The following RNF150 variants were observed in gnomAD, a reference collection of about 807,000 sequenced individuals.
RNF150 encodes ring finger protein 150.
In RNF150, 24 loss-of-function variants were observed where a neutral mutation model predicts 39.3. That is an observed-to-expected ratio of 0.61 (90% confidence interval 0.44 to 0.86). The LOEUF (loss-of-function observed/expected upper bound fraction) is 0.86. Among genes scored for constraint, RNF150 ranks in the 40% least tolerant of loss-of-function variants. The pLI, the probability that RNF150 is intolerant of heterozygous loss-of-function variation, is 0.00. For missense variants in RNF150, 502 were observed against 587.8 expected (o/e 0.85, Z 1.51); for synonymous variants, 255 against 227.3 (o/e 1.12, Z -1.10).
chr4:140,934,161 C>A (rs2111340569), intron 4 of RNF150, among the ~76,000 whole-genome samples: 1 of 152,284 alleles, frequency 6.6e-6, no homozygotes, highest in Non-Finnish European at 1.5e-5. Flanking sequence ...TAGGCACATA[C>A]AACCATGCCT....
intron 1 of RNF150, among the ~76,000 whole-genome samples, chr4:141,120,022 G>C (rs562822173): frequency 1.3e-5 from 2 of 152,152 alleles, no homozygotes; most frequent in Non-Finnish European, 2.9e-5. Context: ...GAGAATTATG[G>C]ATGGTACCTA....
At chr4:141,118,073 C>T (rs917120449) in intron 1 of RNF150, among the ~76,000 whole-genome samples, 1 of 152,140 alleles carries the variant, frequency 6.6e-6, no homozygotes, top group African/African-American at 2.4e-5. Flanking sequence ...CCCCTCCCCT[C>T]CCCCAGTATC....
At chr4:140,946,748 C>T (rs1402595095) in intron 4 of RNF150, among the ~76,000 whole-genome samples, 1 of 152,156 alleles carries the variant, frequency 6.6e-6, no homozygotes, top group Admixed American at 6.6e-5. Flanking sequence ...TCAAGCGATC[C>T]TCCTGTCTTG....
rs199609830 is a variant in RNF150, at chr4:141,132,754, G to T, written c.55C>A (p.Leu19Ile). The T allele has an allele frequency of 2.9e-5, 46 of 1,610,472 alleles. No homozygotes were observed. Among genetic ancestry groups the T allele is most frequent in the Non-Finnish European group, 3.4e-6 (4 of 1,178,674 alleles). ...CCSLALSTWL[L>I]SFCFVHLLCL... ...AGCAGATGCACGAAACAAAAGGAAA[G>T]CAGCCATGTTGAGAGAGCCAGACTG... is the stretch of plus-strand genomic sequence containing the variant. Residue 19 changes from leucine to isoleucine, a missense_variant, in exon 1 of 7, where the codon CTT (leucine) becomes ATT (isoleucine). Coordinates refer to ENST00000515673, the MANE Select transcript of RNF150 (RefSeq NM_020724.2). The surrounding 1 kb of genome is among the most constrained non-coding windows in gnomAD (Gnocchi z 4.9).
At chr4:141,113,183 C>T (rs1739442119) in intron 1 of RNF150, among the ~76,000 whole-genome samples, 1 of 151,840 alleles carries the variant, frequency 6.6e-6, no homozygotes, top group Non-Finnish European at 1.5e-5. Flanking sequence ...GTTCCTTTAG[C>T]TTGGAGGAGT....
intron 1 of RNF150, among the ~76,000 whole-genome samples, chr4:141,051,330 C>A (rs919283465): frequency 6.6e-6 from 1 of 152,178 alleles, no homozygotes; most frequent in African/African-American, 2.4e-5. Context: ...TAACATTTGG[C>A]TCCTCATTAC....
chr4:141,165,868 C>G (rs192510785), intron 1 of RNF150, among the ~76,000 whole-genome samples: 1 of 151,878 alleles, frequency 6.6e-6, no homozygotes, highest in Non-Finnish European at 1.5e-5. Flanking sequence ...AATTGACACC[C>G]TAACATCACA....
At chr4:141,028,573 A>G (rs1388193416) in intron 1 of RNF150, among the ~76,000 whole-genome samples, 1 of 152,222 alleles carries the variant, frequency 6.6e-6, no homozygotes, top group African/African-American at 2.4e-5. Context: ...GAGAACACTG[A>G]AAAACAAAGA....
chr4:141,195,798 T>C (rs1259585002), intron 1 of RNF150, among the ~76,000 whole-genome samples: 1 of 152,208 alleles, frequency 6.6e-6, no homozygotes, highest in African/African-American at 2.4e-5. Flanking sequence ...AGAGACTTGA[T>C]TATTGTTCAT....
chr4:141,057,460 C>T (rs780976405), intron 1 of RNF150, among the ~76,000 whole-genome samples: 6 of 151,916 alleles, frequency 3.9e-5, no homozygotes, highest in Non-Finnish European at 7.4e-5. Context: ...TAGATAAGTT[C>T]TTTAGTGGTG....
chr4:141,082,129 C>T (rs1174755984), intron 1 of RNF150, among the ~76,000 whole-genome samples: 3 of 152,182 alleles, frequency 2.0e-5, no homozygotes, highest in Non-Finnish European at 4.4e-5. Context: ...AATTTGAGCT[C>T]TGAGTTTCTC....
intron 4 of RNF150, among the ~76,000 whole-genome samples, chr4:140,943,158 C>G (rs1355498510): frequency 2.0e-5 from 3 of 152,148 alleles, no homozygotes; most frequent in African/African-American, 7.2e-5. Context: ...GGTCTTTGGT[C>G]AGTTTATGCA....
intron 4 of RNF150, among the ~76,000 whole-genome samples, chr4:140,928,260 G>A (rs1046703485): frequency 4.6e-5 from 7 of 152,156 alleles, no homozygotes; most frequent in Non-Finnish European, 1.0e-4. Flanking sequence ...GGAGCTTGGC[G>A]AGGAGGTGCT....
At chr4:141,056,739 C>A (rs1736989140) in intron 1 of RNF150, among the ~76,000 whole-genome samples, 1 of 151,982 alleles carries the variant, frequency 6.6e-6, no homozygotes, top group Non-Finnish European at 1.5e-5. Flanking sequence ...TTGTTCTCAG[C>A]TTCTTCCCCT....
intron 1 of RNF150, among the ~76,000 whole-genome samples, chr4:141,006,372 TCTC>T (rs1578624128): frequency 6.6e-6 from 1 of 152,104 alleles, no homozygotes; most frequent in Admixed American, 6.5e-5. Flanking sequence ...AGTTCTGTAA[TCTC>T]CTATAAACTA....
chr4:141,121,770 A>T (rs1027732913), intron 1 of RNF150, among the ~76,000 whole-genome samples: 1 of 152,184 alleles, frequency 6.6e-6, no homozygotes, highest in Non-Finnish European at 1.5e-5. Context: ...ATTTAAAAAA[A>T]ATTAAAATTT....
intron 1 of RNF150, among the ~76,000 whole-genome samples, chr4:141,017,282 C>T (rs1560690666): frequency 6.6e-6 from 1 of 152,134 alleles, no homozygotes; most frequent in Non-Finnish European, 1.5e-5. Flanking sequence ...ATTTTAGTCA[C>T]AGGCTTAAGA....
intron 1 of RNF150, among the ~76,000 whole-genome samples, chr4:141,168,165 A>G (rs1727634578): frequency 6.6e-6 from 1 of 152,234 alleles, no homozygotes; most frequent in Non-Finnish European, 1.5e-5. Context: ...AAAAGAAGAC[A>G]TTTATGTGGC....
chr4:141,129,610 A>G (rs1054890677), intron 1 of RNF150, among the ~76,000 whole-genome samples: 4 of 152,222 alleles, frequency 2.6e-5, no homozygotes, highest in African/African-American at 9.6e-5. Context: ...ACTGCAGAGT[A>G]TGTTTATATT....
Sources: gnomAD v4.1 joint callset for allele counts (sites outside exome capture counted in the v4.1 genomes callset) on GRCh38, gnomAD v4.1.1 for gene constraint, Gnocchi (gnomAD v3.1) non-coding constraint, MANE v1.5 for transcripts, NCBI Gene and HGNC (gene_info 2026-07-23, HGNC 2026-07-21) for gene names.